Variants in TOX observed in about 807,000 individuals in gnomAD.
TOX encodes the protein thymocyte selection-associated high mobility group box protein TOX.
In TOX, 11 loss-of-function variants were observed where a neutral mutation model predicts 53.7. The ratio of observed to expected loss-of-function variants is 0.20; its 90% CI spans 0.13 to 0.34. TOX has a LOEUF of 0.34. Among genes scored for constraint, TOX ranks in the 10% least tolerant of loss-of-function variants. TOX has a pLI of 1.00. For missense variants in TOX, 570 were observed against 664.6 expected (o/e 0.86, Z 1.56); for synonymous variants, 225 against 245.3 (o/e 0.92, Z 0.77).
chr8:58,806,958 G>A lies in TOX; in HGVS notation c.*789C>T, dbSNP rs972242814. On this transcript the variant is annotated 3_prime_UTR_variant, in exon 9 of 9. Coordinates refer to ENST00000361421, the MANE Select transcript of TOX (RefSeq NM_014729.3). ...CTAATAAAATACCAGGTAAGCATTT[G>A]GCAGTTTTATACATAAAAGGACTTA... is the stretch of plus-strand genomic sequence containing the variant. The A allele has an allele frequency of 2.6e-5, 4 of 152,558 alleles. No homozygotes were observed. Among genetic ancestry groups the A allele is most frequent in the African/African-American group, 9.7e-5 (4 of 41,428 alleles). The allele number at this position is 152,558 out of a possible 1,614,324, so 9.5% of individuals were successfully genotyped here.
intron 2 of TOX, 130 bp from the exon 3 acceptor site, chr8:58,939,674 C>T: frequency 7.8e-7 from 1 of 1,281,026 alleles, no homozygotes; most frequent in Non-Finnish European, 1.0e-6. Flanking sequence ...TTCAAACCTT[C>T]AGATTATCCT....
intron 1 of TOX, among the ~76,000 whole-genome samples, chr8:59,104,787 A>G (rs1804868373): frequency 6.6e-6 from 1 of 152,210 alleles, no homozygotes; most frequent in African/African-American, 2.4e-5. Context: ...TCACTGCTGG[A>G]TTTTTGAGGC....
At chr8:58,976,452 T>C (rs1813102027) in intron 1 of TOX, among the ~76,000 whole-genome samples, 1 of 152,212 alleles carries the variant, frequency 6.6e-6, no homozygotes, top group Admixed American at 6.5e-5. Flanking sequence ...AGTTGCTGCT[T>C]CTATGGAAGT....
intron 5 of TOX, among the ~76,000 whole-genome samples, chr8:58,836,988 A>G (rs1012329939): frequency 5.3e-5 from 8 of 152,206 alleles, no homozygotes; most frequent in East Asian, 1.9e-4. Flanking sequence ...ATTTCCCTGT[A>G]TATCTATGAG....
chr8:58,921,508 A>G (rs1812075684), intron 3 of TOX, among the ~76,000 whole-genome samples: 2 of 152,238 alleles, frequency 1.3e-5, no homozygotes, highest in Non-Finnish European at 2.9e-5. Context: ...ATATAAGTTA[A>G]GTGACTTACC....
At chr8:58,960,763 CAAT>C in intron 1 of TOX, among the ~76,000 whole-genome samples, 1 of 152,200 alleles carries the variant, frequency 6.6e-6, no homozygotes. Flanking sequence ...GCAACAACAA[CAAT>C]AACAACAACA....
chr8:58,866,569 A>C (rs1811105713), intron 3 of TOX, among the ~76,000 whole-genome samples: 1 of 152,178 alleles, frequency 6.6e-6, no homozygotes, highest in South Asian at 2.1e-4. Flanking sequence ...AACTTAGGTA[A>C]ATTTTTTCAA....
At chr8:59,094,200 C>G (rs1386493427) in intron 1 of TOX, among the ~76,000 whole-genome samples, 2 of 152,024 alleles carry the variant, frequency 1.3e-5, no homozygotes, top group African/African-American at 4.8e-5. Context: ...AAGATACACA[C>G]TAAACTATTG....
chr8:59,039,109 T>A (rs150244106), intron 1 of TOX, among the ~76,000 whole-genome samples: 3 of 152,346 alleles, frequency 2.0e-5, no homozygotes, highest in African/African-American at 7.2e-5. Flanking sequence ...TATTCCCAAA[T>A]ACACTGAAGT....
intron 1 of TOX, among the ~76,000 whole-genome samples, chr8:58,993,311 G>T (rs969746375): frequency 3.9e-5 from 6 of 152,174 alleles, no homozygotes; most frequent in Admixed American, 2.6e-4. Context: ...AAAGATGGGG[G>T]TGTATGGCCA....
intron 6 of TOX, among the ~76,000 whole-genome samples, chr8:58,820,460 G>A (rs1810255569): frequency 6.6e-6 from 1 of 152,152 alleles, no homozygotes; most frequent in South Asian, 2.1e-4. Flanking sequence ...TGGCAATCCT[G>A]AGAAGTTGTA....
At chr8:59,095,955 A>G (rs1804705419) in intron 1 of TOX, among the ~76,000 whole-genome samples, 1 of 152,226 alleles carries the variant, frequency 6.6e-6, no homozygotes, top group African/African-American at 2.4e-5. Flanking sequence ...ACACTTTTAA[A>G]TAATTTACTT....
intron 4 of TOX, 104 bp from the exon 5 acceptor site, chr8:58,838,415 A>G: frequency 1.2e-6 from 1 of 849,158 alleles, no homozygotes; most frequent in Non-Finnish European, 1.9e-6. Flanking sequence ...CATTCACATC[A>G]CTCAAACACA....
chr8:59,038,109 T>C (rs1803504439), intron 1 of TOX, among the ~76,000 whole-genome samples: 1 of 152,242 alleles, frequency 6.6e-6, no homozygotes, highest in Admixed American at 6.5e-5. Context: ...ATGAATTTTA[T>C]GTGTATCTAC....
intron 1 of TOX, among the ~76,000 whole-genome samples, chr8:59,064,177 T>G (rs1804046090): frequency 6.6e-6 from 1 of 152,124 alleles, no homozygotes; most frequent in South Asian, 2.1e-4. Flanking sequence ...AATGAATGTT[T>G]CCTCTATTAC....
chr8:58,995,521 C>A (rs1014182611), intron 1 of TOX, among the ~76,000 whole-genome samples: 2 of 152,122 alleles, frequency 1.3e-5, no homozygotes, highest in Non-Finnish European at 2.9e-5. Context: ...TTATTTATAT[C>A]AAATTGAGCT....
chr8:59,041,411 T>C (rs924735805), intron 1 of TOX, among the ~76,000 whole-genome samples: 2 of 152,160 alleles, frequency 1.3e-5, no homozygotes, highest in Non-Finnish European at 2.9e-5. Context: ...ATTTTTCCCC[T>C]TCAAAATGTG....
At chr8:59,072,546 T>C (rs1804215405) in intron 1 of TOX, among the ~76,000 whole-genome samples, 1 of 152,320 alleles carries the variant, frequency 6.6e-6, no homozygotes, top group East Asian at 1.9e-4. Context: ...ACAAATTACA[T>C]AGAAATGAAT....
chr8:59,005,164 A>G (rs2129418378), intron 1 of TOX, among the ~76,000 whole-genome samples: 1 of 151,730 alleles, frequency 6.6e-6, no homozygotes. Context: ...TCAGCCTCCC[A>G]AGTAGCTGGG....
Sources: gnomAD v4.1 joint callset for allele counts (sites outside exome capture counted in the v4.1 genomes callset) on GRCh38, gnomAD v4.1.1 for gene constraint, MANE v1.5 for transcripts, NCBI Gene and HGNC (gene_info 2026-07-23, HGNC 2026-07-21) for gene names.